The following PCDH9 variants were observed in gnomAD, a reference collection of about 807,000 sequenced individuals.
The protein encoded by PCDH9 is protocadherin-9.
In PCDH9, 24 loss-of-function variants were observed where a neutral mutation model predicts 70.6. That is an observed-to-expected ratio of 0.34 (90% CI 0.25 to 0.48). PCDH9 has a LOEUF of 0.48. Among genes scored for constraint, PCDH9 ranks in the 20% least tolerant of loss-of-function variants. PCDH9 has a pLI of 0.99. For missense variants in PCDH9, 1,281 were observed against 1,503.6 expected (o/e 0.85, Z 2.45); for synonymous variants, 562 against 558.5 (o/e 1.01, Z -0.09).
intron 3 of PCDH9, among the ~76,000 whole-genome samples, chr13:66,711,537 GAA>G (rs5804292): frequency 4.5e-4 from 68 of 151,802 alleles, no homozygotes; most frequent in Non-Finnish European, 1.8e-4. Flanking sequence ...CAAAAATAAA[GAA>G]AAAAATCAGT....
rs1256378556 is a variant in PCDH9, at chr13:66,999,762, G to A, written c.3037-96157C>T. On this transcript the variant is annotated intron_variant, in intron 2 of 4. Coordinates refer to ENST00000377865, the MANE Select transcript of PCDH9 (RefSeq NM_203487.3). The stretch of plus-strand genomic sequence containing the variant: ...CACCATCACTGGCCATCAGAGAAAT[G>A]CAAATCAAAACCACAATGAGATACC... Among the ~76,000 whole-genome samples, 17 of 152,046 alleles carry A rather than the reference G, an allele frequency of 1.1e-4. 1 individual carries two copies. Among genetic ancestry groups the A allele is most frequent in the South Asian group, 4.2e-4 (2 of 4,816 alleles).
intron 2 of PCDH9, among the ~76,000 whole-genome samples, chr13:67,113,949 G>A (rs546943222): frequency 7.9e-5 from 12 of 152,218 alleles, no homozygotes; most frequent in African/African-American, 2.6e-4. Flanking sequence ...GTTCACTTTG[G>A]TGCATCACAG....
intron 4 of PCDH9, among the ~76,000 whole-genome samples, chr13:66,403,222 C>A (rs1030641043): frequency 1.3e-5 from 2 of 151,970 alleles, no homozygotes; most frequent in African/African-American, 4.8e-5. Flanking sequence ...TCACTGCAAC[C>A]TCAACTTTAC....
At chr13:66,887,557 C>T (rs879672207) in intron 3 of PCDH9, among the ~76,000 whole-genome samples, 2 of 152,202 alleles carry the variant, frequency 1.3e-5, no homozygotes, top group Non-Finnish European at 2.9e-5. Flanking sequence ...AAACAGCATG[C>T]ACTTGTAACA....
intron 3 of PCDH9, among the ~76,000 whole-genome samples, chr13:66,684,477 G>A (rs778691809): frequency 3.6e-4 from 54 of 152,110 alleles, no homozygotes; most frequent in Non-Finnish European, 1.2e-4. Context: ...CTGAATCATG[G>A]GGGCAGTTAC....
chr13:66,391,254 A>G (rs567911650), intron 4 of PCDH9, among the ~76,000 whole-genome samples: 69 of 152,324 alleles, frequency 4.5e-4, no homozygotes, highest in African/African-American at 1.5e-3. Flanking sequence ...ATCAACAACT[A>G]TTTAAAATTT....
intron 2 of PCDH9, among the ~76,000 whole-genome samples, chr13:67,024,717 T>G (rs1347340669): frequency 6.6e-6 from 1 of 152,134 alleles, no homozygotes; most frequent in African/African-American, 2.4e-5. Flanking sequence ...ATGGTGTTAT[T>G]GATTACCTAG....
At chr13:67,119,397 A>G (rs1358163054) in intron 2 of PCDH9, among the ~76,000 whole-genome samples, 2 of 152,160 alleles carry the variant, frequency 1.3e-5, no homozygotes, top group Non-Finnish European at 2.9e-5. Context: ...AGCTGAGATT[A>G]TTTATTTTCA....
At chr13:66,668,146 T>C (rs373646178) in intron 3 of PCDH9, among the ~76,000 whole-genome samples, 37 of 152,260 alleles carry the variant, frequency 2.4e-4, no homozygotes, top group African/African-American at 8.7e-4. Flanking sequence ...GTAAGGCAGA[T>C]TCATGTGATC....
intron 3 of PCDH9, among the ~76,000 whole-genome samples, chr13:66,852,031 G>C (rs1010791509): frequency 1.3e-5 from 2 of 151,838 alleles, no homozygotes; most frequent in Middle Eastern, 3.4e-3. Flanking sequence ...TTCTTATAGG[G>C]ACTTTAATTC....
chr13:67,212,670 T>A lies in PCDH9; in HGVS notation c.3036+12735A>T, dbSNP rs547205076. ...ATAGAATATAATTCTGGAATAAGCA[T>A]TGGTATCCATTAGGGAAAATAGAAT... On this transcript the variant is annotated intron_variant, in intron 2 of 4. Transcript: ENST00000377865. The A allele has an allele frequency of 3.9e-5, 6 of 152,248 alleles. No individual in the cohort carries two copies. In the South Asian group the frequency reaches 1.0e-3, roughly 26 times the overall value. The allele number at this position is 152,248 out of a possible 1,614,324, so 9.4% of individuals were successfully genotyped here.
chr13:66,458,762 C>A (rs1488535885), intron 4 of PCDH9, among the ~76,000 whole-genome samples: 1 of 152,022 alleles, frequency 6.6e-6, no homozygotes, highest in Non-Finnish European at 1.5e-5. Flanking sequence ...CTTACCAAAC[C>A]TTTCCTATGA....
chr13:66,783,076 C>T (rs1240338635), intron 3 of PCDH9, among the ~76,000 whole-genome samples: 1 of 152,142 alleles, frequency 6.6e-6, no homozygotes, highest in Non-Finnish European at 1.5e-5. Flanking sequence ...CAGTTGCTCA[C>T]AGATTTCTAC....
intron 2 of PCDH9, among the ~76,000 whole-genome samples, chr13:67,142,025 A>C (rs1168481541): frequency 1.3e-5 from 2 of 152,130 alleles, no homozygotes; most frequent in Admixed American, 6.5e-5. Context: ...ATTGGGTTAG[A>C]AAATACTGTG....
chr13:66,465,444 T>C (rs771477267), intron 4 of PCDH9, among the ~76,000 whole-genome samples: 3 of 151,912 alleles, frequency 2.0e-5, no homozygotes, highest in African/African-American at 7.2e-5. Context: ...GTTAAACACA[T>C]ACAAAATTAA....
intron 4 of PCDH9, among the ~76,000 whole-genome samples, chr13:66,444,149 G>A (rs949016141): frequency 1.3e-5 from 2 of 152,130 alleles, no homozygotes; most frequent in Non-Finnish European, 2.9e-5. Context: ...AGCACATTAA[G>A]AATTAATATT....
intron 3 of PCDH9, among the ~76,000 whole-genome samples, chr13:66,652,055 C>T (rs1326841432): frequency 6.6e-6 from 1 of 152,048 alleles, no homozygotes; most frequent in Non-Finnish European, 1.5e-5. Context: ...TAGTGTCATA[C>T]TGAATGGAGA....
chr13:66,927,159 A>C (rs77008462), intron 2 of PCDH9, among the ~76,000 whole-genome samples: 2 of 152,062 alleles, frequency 1.3e-5, no homozygotes, highest in Admixed American at 1.3e-4. Context: ...TGCCTAGTAT[A>C]TTCATTTGCT....
At chr13:67,089,242 T>C (rs2138206004) in intron 2 of PCDH9, among the ~76,000 whole-genome samples, 1 of 152,142 alleles carries the variant, frequency 6.6e-6, no homozygotes, top group Admixed American at 6.6e-5. Context: ...TCACTTTTAT[T>C]ATATACAAGT....
Sources: gnomAD v4.1 joint callset for allele counts (sites outside exome capture counted in the v4.1 genomes callset) on GRCh38, gnomAD v4.1.1 for gene constraint, MANE v1.5 for transcripts, NCBI Gene and HGNC (gene_info 2026-07-23, HGNC 2026-07-21) for gene names.